The following PCDHA2 variants were observed in gnomAD, a reference collection of about 807,000 sequenced individuals.
PCDHA2 encodes the protein protocadherin alpha-2.
Under a neutral mutation model 66.0 loss-of-function variants are expected in PCDHA2, and 58 were observed. The observed-to-expected ratio is 0.88, with a 90% confidence interval of 0.71 to 1.09. The LOEUF (loss-of-function observed/expected upper bound fraction) is 1.09. Among genes scored for constraint, PCDHA2 ranks in the 50% least tolerant of loss-of-function variants. PCDHA2 has a pLI of 0.00. For missense variants in PCDHA2, 1,267 were observed against 1,242.3 expected (o/e 1.02, Z -0.30); for synonymous variants, 634 against 554.0 (o/e 1.14, Z -2.03).
At chr5:140,976,330 T>C (rs139191853) in intron 1 of PCDHA2, among the ~76,000 whole-genome samples, 1 of 152,088 alleles carries the variant, frequency 6.6e-6, no homozygotes, top group Non-Finnish European at 1.5e-5. Flanking sequence ...GAGGGTGGAT[T>C]GCCTGAGGTC....
intron 1 of PCDHA2, chr5:140,803,247 G>A (rs782577100): frequency 1.2e-6 from 2 of 1,613,830 alleles, no homozygotes. Flanking sequence ...CCAGGCGTCC[G>A]CTGGCGCCAC....
At chr5:140,975,313 T>C (rs2096662091) in intron 1 of PCDHA2, among the ~76,000 whole-genome samples, 1 of 152,224 alleles carries the variant, frequency 6.6e-6, no homozygotes, top group African/African-American at 2.4e-5. Flanking sequence ...TGTGATTATG[T>C]CAGTCCCATC....
chr5:140,808,335 G>C (rs1554124486), intron 1 of PCDHA2: 1 of 1,614,236 alleles, frequency 6.2e-7, no homozygotes, highest in Non-Finnish European at 8.5e-7. Context: ...GGTGTCAATG[G>C]GCTGGTCACC....
At chr5:140,944,839 G>C (rs1449491788) in intron 1 of PCDHA2, among the ~76,000 whole-genome samples, 3 of 152,130 alleles carry the variant, frequency 2.0e-5, no homozygotes, top group African/African-American at 7.2e-5. Flanking sequence ...TGTAAAATGA[G>C]ATATTAGAAT....
intron 1 of PCDHA2, chr5:140,801,380 G>A: frequency 6.2e-7 from 1 of 1,613,540 alleles, no homozygotes; most frequent in East Asian, 2.2e-5. Flanking sequence ...AGCTGGTGCC[G>A]CGCCTGTTCC....
rs1554119383 is a variant in PCDHA2 at position 140,795,346 on chromosome 5, G to C, written c.382G>C (p.Asp128His). 4.3e-6 allele frequency: 7 copies of C among 1,614,176 alleles called. No homozygotes were observed. Among genetic ancestry groups the C allele is most frequent in the Non-Finnish European group, 5.9e-6 (7 of 1,180,024 alleles). ...HVEVEVKDINDNPPIFPMTVK... is the reference protein window; with the variant it reads ...HVEVEVKDINHNPPIFPMTVK... The stretch of plus-strand genomic sequence containing the variant: ...GGAAGTGGAGGTGAAGGACATTAAC[G>C]ACAACCCGCCAATATTTCCAATGAC... The change falls in exon 1 of 4, where the codon GAC becomes CAC. Residue 128 changes from aspartate to histidine, a missense_variant. By Grantham distance (81) the Asp-to-His change is moderately conservative. Coordinates refer to ENST00000526136, the MANE Select transcript of PCDHA2 (RefSeq NM_018905.3).
Position 140,809,167 on chromosome 5 carries a change from G to A in PCDHA2, c.2388+11815G>A, listed in dbSNP as rs782582127. The A allele has an allele frequency of 8.7e-6, 14 of 1,613,872 alleles. 1 individual carries two copies. The South Asian group carries it at 8.8e-5, about 10-fold the overall frequency. The stretch of plus-strand genomic sequence containing the variant: ...AGGACCACGGCGAGCCCGCGCTGAC[G>A]GCCACGGCCACTGTGCTGGTGTCAC... On this transcript the variant is annotated intron_variant, in intron 1 of 3. Coordinates refer to ENST00000526136, the MANE Select transcript of PCDHA2 (RefSeq NM_018905.3).
intron 1 of PCDHA2, chr5:140,966,383 C>T: frequency 2.5e-6 from 1 of 405,022 alleles, no homozygotes; most frequent in East Asian, 3.6e-5. Context: ...TCCGGGTTCG[C>T]TGTCCGCCAC....
In PCDHA2 at chr5:140,795,635, G is replaced by A; in HGVS notation, c.671G>A (p.Gly224Asp). Residue 224 changes from glycine to aspartate, a missense_variant, in exon 1 of 4, where the codon GGC becomes GAC. Transcript: ENST00000526136. ...ATDGGKPELT[G>D]TVQILIKVLD... ...GATGGGGGCAAACCTGAGCTCACGG[G>A]CACCGTTCAAATACTTATTAAGGTA... 6.2e-7 allele frequency: 1 copy of A among 1,614,114 alleles called. No individual in the cohort carries two copies. Among genetic ancestry groups the A allele is most frequent in the African/African-American group, 1.3e-5 (1 of 75,020 alleles).
rs1554178111 is a variant in PCDHA2 at position 140,883,417 on chromosome 5, A to G, written c.2388+86065A>G. On this transcript the variant is annotated intron_variant, in intron 1 of 3. Transcript: ENST00000526136. Reference sequence around the variant, plus strand: ...CCGATCGTGACTCTGGCTCAAATGGACAGGTCACCTGCACCTTGACGCCGC... The same window carrying G: ...CCGATCGTGACTCTGGCTCAAATGGGCAGGTCACCTGCACCTTGACGCCGC... 3.1e-6 allele frequency: 5 copies of G among 1,614,146 alleles called. No homozygotes were observed. The South Asian group carries it at 5.5e-5, about 18-fold the overall frequency.
In PCDHA2 at chr5:140,848,613, G is replaced by A. The variant is rs147099629; in HGVS notation, c.2388+51261G>A. On this transcript the variant is annotated intron_variant, in intron 1 of 3. Coordinates refer to ENST00000526136, the MANE Select transcript of PCDHA2 (RefSeq NM_018905.3). ...CCACTACTCCGTCCCGGAGGAAGCC[G>A]AACACGGCACCTTCGTGGGCCGCAT... 4,268 of 1,587,382 alleles carry A rather than the reference G, an allele frequency of 2.7e-3. 465 individuals carry two copies. The highest frequency in any genetic ancestry group is 9.6e-3 in the Middle Eastern group (55 of 5,726).
chr5:140,837,522 T>C (rs1187305095), intron 1 of PCDHA2, among the ~76,000 whole-genome samples: 1 of 151,966 alleles, frequency 6.6e-6, no homozygotes. Flanking sequence ...TTTACTTTTT[T>C]TGTATATTCC....
intron 1 of PCDHA2, chr5:140,869,054 T>C: frequency 6.5e-7 from 1 of 1,545,104 alleles, no homozygotes; most frequent in African/African-American, 1.4e-5. Context: ...CTGAAGAATC[T>C]GGTACTGTAA....
intron 1 of PCDHA2, chr5:140,928,628 T>G: frequency 6.2e-7 from 1 of 1,614,222 alleles, no homozygotes; most frequent in Non-Finnish European, 8.5e-7. Context: ...ACTGGACACT[T>G]GGTCACAAAA....
intron 1 of PCDHA2, among the ~76,000 whole-genome samples, chr5:140,941,191 T>TTTCTTTCTTCCTTTCTTCCTTTC (rs1487503403): frequency 1.1e-5 from 1 of 93,258 alleles, no homozygotes; most frequent in African/African-American, 3.9e-5. Flanking sequence ...GCTTCTTTTT[T>TTTCTTTCTTCCTTTCTTCCTTTC]TTTCTTTCTT....
At chr5:140,895,898 G>A (rs1023440863) in intron 1 of PCDHA2, among the ~76,000 whole-genome samples, 2 of 152,016 alleles carry the variant, frequency 1.3e-5, no homozygotes, top group South Asian at 4.1e-4. Flanking sequence ...TGCAACCTCC[G>A]CGTCCCGGGC....
At chr5:140,862,429 A>G (rs2047360800) in intron 1 of PCDHA2, 1 of 354,378 alleles carries the variant, frequency 2.8e-6, no homozygotes, top group Admixed American at 3.8e-5. Context: ...CCCAGAAACT[A>G]TTCGTTGGTA....
intron 1 of PCDHA2, among the ~76,000 whole-genome samples, chr5:140,879,438 A>C (rs2057989809): frequency 6.6e-6 from 1 of 152,214 alleles, no homozygotes; most frequent in South Asian, 2.1e-4. Context: ...ACATTTAAGA[A>C]AATGTTACTT....
chr5:140,948,281 T>C (rs1375756050), intron 1 of PCDHA2, among the ~76,000 whole-genome samples: 1 of 151,620 alleles, frequency 6.6e-6, no homozygotes, highest in Non-Finnish European at 1.5e-5. Context: ...TATCTGTAAA[T>C]AATTTTGTAA....
Sources: allele counts gnomAD v4.1 joint callset (sites outside exome capture counted in the v4.1 genomes callset), GRCh38; gene constraint gnomAD v4.1.1; transcripts MANE v1.5; gene names NCBI Gene and HGNC (gene_info 2026-07-23, HGNC 2026-07-21).